Variants in SMYD4 observed in about 807,000 individuals in gnomAD.
SMYD4 encodes protein-lysine N-methyltransferase SMYD4.
A neutral mutation model predicts 72.8 loss-of-function variants in SMYD4; 68 were observed. The ratio of observed to expected loss-of-function variants is 0.93; its 90% confidence interval spans 0.77 to 1.14. SMYD4 has a LOEUF of 1.14. Ranked by LOEUF, SMYD4 falls within the 50% of genes most tolerant of loss-of-function variation. SMYD4 has a pLI of 0.00. For missense variants in SMYD4, 984 were observed against 1,003.7 expected, an observed-to-expected ratio of 0.98 and a Z score of 0.27; for synonymous variants, 407 against 388.6, an observed-to-expected ratio of 1.05 and a Z score of -0.56.
At chr17:1,825,058 G>A (rs1178728823) in intron 2 of SMYD4, among the ~76,000 whole-genome samples, 3 of 152,106 alleles carry the variant, frequency 2.0e-5, no homozygotes, top group Non-Finnish European at 1.5e-5. Context: ...TCCCAGCCAT[G>A]TGTGAGTCAA....
At chr17:1,814,972 C>G (rs550398330) in intron 2 of SMYD4, among the ~76,000 whole-genome samples, 1 of 152,152 alleles carries the variant, frequency 6.6e-6, no homozygotes, top group East Asian at 1.9e-4. Context: ...TAGGTTAAAC[C>G]TAAAAACCCT....
Position 1,787,434 on chromosome 17 carries a change from G to GA in SMYD4, c.1707dup (p.Leu570SerfsTer27). On this transcript the variant is annotated frameshift_variant, in exon 6 of 11. Transcript: ENST00000305513. LOFTEE classifies it high-confidence loss of function. ...AGGGATGGCTCACCATAGCAGTGGAGAATCTCTTGCCCCTTTCTAATCCGC... is the reference window on the plus strand; with the variant it reads ...AGGGATGGCTCACCATAGCAGTGGAGAAATCTCTTGCCCCTTTCTAATCCGC... 1 of 1,557,194 alleles carries GA rather than the reference G, an allele frequency of 6.4e-7. No homozygotes were observed. Among genetic ancestry groups the GA allele is most frequent in the Non-Finnish European group, 8.7e-7 (1 of 1,150,554 alleles).
chr17:1,814,283 T>A (rs893785705), intron 2 of SMYD4, among the ~76,000 whole-genome samples: 8 of 152,080 alleles, frequency 5.3e-5, no homozygotes, highest in African/African-American at 1.7e-4. Flanking sequence ...CAAGCCTGGG[T>A]GACAGGGCAA....
At chr17:1,825,996 T>C (rs1265194225) in intron 2 of SMYD4, among the ~76,000 whole-genome samples, 3 of 151,986 alleles carry the variant, frequency 2.0e-5, no homozygotes, top group Non-Finnish European at 2.9e-5. Flanking sequence ...TTATATACAA[T>C]GTAAATGTAA....
At chr17:1,828,439 T>C (rs182884734) in intron 1 of SMYD4, among the ~76,000 whole-genome samples, 3 of 152,120 alleles carry the variant, frequency 2.0e-5, no homozygotes, top group Non-Finnish European at 1.5e-5. Context: ...CTCTAGTTTA[T>C]ATGCTAAGGA....
Position 1,794,025 on chromosome 17 carries a change from G to GTA in SMYD4, c.1537+5830_1537+5831dup, listed in dbSNP as rs1406458055. ...TATATATGTATATATATATATGTGT[G>GTA]TATATATATATGTATGTATATATAT... On this transcript the variant is annotated intron_variant, in intron 5 of 10. Transcript: ENST00000305513. Among the ~76,000 whole-genome samples the GTA allele has an allele frequency of 4.5e-4, 38 of 84,792 alleles. 1 individual carries two copies. The East Asian group carries it at 8.1e-3, about 18-fold the overall frequency. The allele number at this position is 84,792 out of a possible 152,430, so 55.6% of individuals were successfully genotyped here.
In SMYD4 at chr17:1,787,364, C is replaced by T. The variant is rs555373935; in HGVS notation, c.1720+58G>A. On this transcript the variant is annotated intron_variant, in intron 6 of 10. Coordinates refer to ENST00000305513, the MANE Select transcript of SMYD4 (RefSeq NM_052928.3). ...ACATGCCTGGTGGCTTGCTGACTTG[C>T]GTCCCCGTCCTTTTCTGTTGGAGAA... is the stretch of plus-strand genomic sequence containing the variant. The T allele has an allele frequency of 4.9e-5, 75 of 1,544,088 alleles. No homozygotes were observed. The African/African-American group carries it at 8.2e-4, about 17-fold the overall frequency.
At chr17:1,818,707 T>C (rs1910754848) in intron 2 of SMYD4, among the ~76,000 whole-genome samples, 1 of 152,138 alleles carries the variant, frequency 6.6e-6, no homozygotes, top group Non-Finnish European at 1.5e-5. Context: ...TTGCTCAGGC[T>C]GGAGTGCAGT....
chr17:1,816,512 C>T (rs11657790), intron 2 of SMYD4, among the ~76,000 whole-genome samples: 50,677 of 150,710 alleles, frequency 0.34, 10,970 homozygotes, highest in Non-Finnish European at 0.49. Context: ...CCCAGCTACT[C>T]GGGGGACTGA....
chr17:1,796,343 C>T (rs1909411356), intron 5 of SMYD4, among the ~76,000 whole-genome samples: 1 of 125,496 alleles, frequency 8.0e-6, no homozygotes, highest in Non-Finnish European at 1.6e-5. Context: ...GCTCTGTTGC[C>T]CAGGATGGTC....
intron 2 of SMYD4, among the ~76,000 whole-genome samples, chr17:1,812,485 G>A (rs1910377162): frequency 6.6e-6 from 1 of 151,074 alleles, no homozygotes; most frequent in South Asian, 2.1e-4. Context: ...TAGAGGTGGG[G>A]TTTTGCCATG....
At chr17:1,789,068 C>T (rs559286563) in intron 5 of SMYD4, among the ~76,000 whole-genome samples, 14 of 152,226 alleles carry the variant, frequency 9.2e-5, no homozygotes, top group Non-Finnish European at 1.8e-4. Context: ...GTGATATCAC[C>T]GAATATATGC....
chr17:1,794,275 A>G (rs1909276756), intron 5 of SMYD4, among the ~76,000 whole-genome samples: 1 of 143,004 alleles, frequency 7.0e-6, no homozygotes. Flanking sequence ...ACACCAGGCT[A>G]ATTTTTTTTT....
chr17:1,809,368 T>G (rs1438997157), intron 3 of SMYD4, among the ~76,000 whole-genome samples: 1 of 125,574 alleles, frequency 8.0e-6, no homozygotes, highest in East Asian at 2.1e-4. Context: ...TTATTATTGT[T>G]ATTATTATTA....
At chr17:1,812,227 TGAG>T in intron 2 of SMYD4, 112 bp from the exon 3 acceptor site, 3 of 1,165,334 alleles carry the variant, frequency 2.6e-6, no homozygotes, top group Non-Finnish European at 3.7e-6. Context: ...TTCACACACA[TGAG>T]GATATGTACA....
At chr17:1,786,187 G>C (rs987733849) in intron 7 of SMYD4, among the ~76,000 whole-genome samples, 6 of 152,150 alleles carry the variant, frequency 3.9e-5, no homozygotes, top group Non-Finnish European at 5.9e-5. Flanking sequence ...CCAGGCTGCT[G>C]TTTGAGTGGC....
At chr17:1,796,586 G>A (rs932289761) in intron 5 of SMYD4, among the ~76,000 whole-genome samples, 7 of 151,744 alleles carry the variant, frequency 4.6e-5, no homozygotes, top group African/African-American at 1.7e-4. Flanking sequence ...ACAGGCGCCC[G>A]CTGCCATGCC....
chr17:1,807,452 C>G (rs1910100694), intron 3 of SMYD4, among the ~76,000 whole-genome samples: 1 of 152,014 alleles, frequency 6.6e-6, no homozygotes, highest in Non-Finnish European at 1.5e-5. Context: ...AACCCCGCAC[C>G]AGGGTTCAAG....
Position 1,783,340 on chromosome 17 carries a change from C to G in SMYD4, c.2137+20G>C. Reference sequence around the variant, plus strand: ...ACAGCAGACTGTTCCCGACGCAGAACGTGAAGGCTCATGCTGTACCTAAGG... The same window carrying G: ...ACAGCAGACTGTTCCCGACGCAGAAGGTGAAGGCTCATGCTGTACCTAAGG... On this transcript the variant is annotated intron_variant, in intron 9 of 10. Coordinates refer to ENST00000305513, the MANE Select transcript of SMYD4 (RefSeq NM_052928.3). 1.5e-5 allele frequency: 24 copies of G among 1,611,688 alleles called. No homozygotes were observed. Among genetic ancestry groups the G allele is most frequent in the Non-Finnish European group, 2.0e-5 (24 of 1,179,678 alleles).
Sources: gnomAD v4.1 joint callset for allele counts (sites outside exome capture counted in the v4.1 genomes callset) on GRCh38, gnomAD v4.1.1 for gene constraint, MANE v1.5 for transcripts, NCBI Gene and HGNC (gene_info 2026-07-23, HGNC 2026-07-21) for gene names.